Variants in NUBPL observed in about 807,000 individuals in gnomAD.
The protein encoded by NUBPL is iron-sulfur cluster transfer protein NUBPL.
A neutral mutation model predicts 45.7 loss-of-function variants in NUBPL; 31 were observed. That is an observed-to-expected ratio of 0.68 (90% CI 0.51 to 0.92). The LOEUF (loss-of-function observed/expected upper bound fraction) is 0.92. Among genes scored for constraint, NUBPL ranks in the 40% least tolerant of loss-of-function variants. The pLI, the probability that NUBPL is intolerant of heterozygous loss-of-function variation, is 0.00. For missense variants in NUBPL, 401 were observed against 398.7 expected, an observed-to-expected ratio of 1.01 and a Z score of -0.05; for synonymous variants, 144 against 140.9, an observed-to-expected ratio of 1.02 and a Z score of -0.15.
chr14:31,831,557 C>G (rs923422227), intron 8 of NUBPL, among the ~76,000 whole-genome samples: 1 of 151,324 alleles, frequency 6.6e-6, no homozygotes, highest in African/African-American at 2.4e-5. Flanking sequence ...CTGTCTCTCT[C>G]GCTGTGCCTG....
intron 3 of NUBPL, among the ~76,000 whole-genome samples, chr14:31,587,013 G>A (rs371457909): frequency 6.6e-6 from 1 of 152,060 alleles, no homozygotes; most frequent in African/African-American, 2.4e-5. Context: ...GAAACCTAAC[G>A]GAAAACAGAG....
intron 4 of NUBPL, among the ~76,000 whole-genome samples, chr14:31,614,156 G>T (rs1595369881): frequency 6.6e-6 from 1 of 152,096 alleles, no homozygotes; most frequent in Admixed American, 6.5e-5. Flanking sequence ...TAATATAGGG[G>T]CTAAGTTTTA....
chr14:31,732,204 T>C (rs1489294459), intron 6 of NUBPL, among the ~76,000 whole-genome samples: 1 of 37,268 alleles, frequency 2.7e-5, no homozygotes, highest in Admixed American at 2.8e-4. Flanking sequence ...AAAAAAAAAA[T>C]GAAAGAAAGA....
At chr14:31,802,273 C>T (rs2039605057) in intron 7 of NUBPL, among the ~76,000 whole-genome samples, 1 of 40,528 alleles carries the variant, frequency 2.5e-5, no homozygotes, top group South Asian at 2.1e-3. Context: ...TGCCCTTCTT[C>T]TTCTTCTTCT....
chr14:31,747,417 G>A (rs1280090679), intron 6 of NUBPL, among the ~76,000 whole-genome samples: 3 of 151,958 alleles, frequency 2.0e-5, no homozygotes, highest in Non-Finnish European at 4.4e-5. Flanking sequence ...GATTAGAGGT[G>A]TGAGCCACCG....
At position 31,745,058 on chromosome 14, in the gene NUBPL, T is replaced by TTTTATTTTTATG. The variant is rs1384208709; in HGVS notation, c.514-42716_514-42715insTTTATGTTTATT. Among the ~76,000 whole-genome samples the TTTTATTTTTATG allele has an allele frequency of 6.5e-3, 987 of 152,092 alleles. 10 individuals carry two copies. Among genetic ancestry groups the TTTTATTTTTATG allele is most frequent in the African/African-American group, 0.022 (924 of 41,502 alleles). The stretch of plus-strand genomic sequence containing the variant: ...GTTATTTCTTTTTTTTTATTTTTAT[T>TTTTATTTTTATG]TTTATTATTATACTTTAAGTTCTAG... On this transcript the variant is annotated intron_variant, in intron 6 of 10. Coordinates refer to ENST00000281081, the MANE Select transcript of NUBPL (RefSeq NM_025152.3).
At chr14:31,638,034 C>G (rs932322869) in intron 4 of NUBPL, among the ~76,000 whole-genome samples, 1 of 152,146 alleles carries the variant, frequency 6.6e-6, no homozygotes, top group Non-Finnish European at 1.5e-5. Flanking sequence ...GGTCTTGACT[C>G]TTTATCCAAT....
At chr14:31,710,632 G>A (rs1260546806) in intron 6 of NUBPL, among the ~76,000 whole-genome samples, 1 of 152,142 alleles carries the variant, frequency 6.6e-6, no homozygotes, top group Non-Finnish European at 1.5e-5. Context: ...TGTTAGTACT[G>A]GAACCTTACC....
intron 6 of NUBPL, among the ~76,000 whole-genome samples, chr14:31,743,240 C>A (rs1183934126): frequency 6.6e-6 from 1 of 152,156 alleles, no homozygotes; most frequent in East Asian, 1.9e-4. Flanking sequence ...GCTTACCCAT[C>A]CCTGTATCAG....
chr14:31,645,228 G>A (rs1191957002), intron 4 of NUBPL, among the ~76,000 whole-genome samples: 1 of 151,990 alleles, frequency 6.6e-6, no homozygotes, highest in Non-Finnish European at 1.5e-5. Context: ...ACCACACCCG[G>A]CTAATTTTTT....
At chr14:31,610,558 A>T (rs2034725140) in intron 4 of NUBPL, among the ~76,000 whole-genome samples, 1 of 136,926 alleles carries the variant, frequency 7.3e-6, no homozygotes, top group Admixed American at 8.3e-5. Flanking sequence ...TGCCACACTC[A>T]TTCTGTGAGG....
chr14:31,749,764 A>G (rs145188785), intron 6 of NUBPL, among the ~76,000 whole-genome samples: 24 of 152,296 alleles, frequency 1.6e-4, no homozygotes, highest in Non-Finnish European at 3.2e-4. Flanking sequence ...TGGGAAACTT[A>G]CAACTGTAAT....
chr14:31,744,524 C>G (rs2038352802), intron 6 of NUBPL, among the ~76,000 whole-genome samples: 1 of 150,514 alleles, frequency 6.6e-6, no homozygotes, highest in Non-Finnish European at 1.5e-5. Flanking sequence ...TAGAGAACAA[C>G]TATATCTCAG....
rs775886215 is a variant in NUBPL at position 31,848,163 on chromosome 14, A to C, written c.814+1572A>C. ...ATCAAAAACACTGACTACTGATCAC[A>C]AAAATTTGATGGTGCCCTAGACTGC... is the stretch of plus-strand genomic sequence containing the variant. On this transcript the variant is annotated intron_variant, in intron 9 of 10. Transcript: ENST00000281081. 4.3e-4 allele frequency among the ~76,000 whole-genome samples: 66 copies of C among 152,212 alleles called. 1 individual carries two copies. The highest frequency in any genetic ancestry group is 8.2e-4 in the Non-Finnish European group (56 of 68,030).
At chr14:31,649,416 T>C (rs2035941374) in intron 4 of NUBPL, among the ~76,000 whole-genome samples, 1 of 152,206 alleles carries the variant, frequency 6.6e-6, no homozygotes, top group Admixed American at 6.5e-5. Context: ...AGATAATTGT[T>C]TAGGGGAATT....
intron 6 of NUBPL, among the ~76,000 whole-genome samples, chr14:31,706,064 A>G (rs1413462640): frequency 1.3e-5 from 2 of 152,188 alleles, no homozygotes; most frequent in Non-Finnish European, 1.5e-5. Context: ...GGCAGGCTGA[A>G]GGGCTCCTCG....
intron 4 of NUBPL, among the ~76,000 whole-genome samples, chr14:31,630,840 T>C (rs2035322308): frequency 6.6e-6 from 1 of 152,212 alleles, no homozygotes; most frequent in South Asian, 2.1e-4. Context: ...CTCTGGGAAT[T>C]ATACAGCTTG....
chr14:31,605,827 C>T (rs558944428), intron 4 of NUBPL, among the ~76,000 whole-genome samples: 3 of 141,970 alleles, frequency 2.1e-5, no homozygotes, highest in Non-Finnish European at 3.0e-5. Flanking sequence ...TCTCCTTTCT[C>T]GTCTCCTCCT....
In NUBPL at chr14:31,575,257, A is replaced by G. The variant is rs142405193; in HGVS notation, c.291+10209A>G. Among the ~76,000 whole-genome samples, 46 of 152,344 alleles carry G rather than the reference A, an allele frequency of 3.0e-4. No homozygotes were observed. The East Asian group carries it at 6.2e-3, about 20-fold the overall frequency. ...TAGGTTTTGATTTTTGAAAGGTTCA[A>G]CAGTCTTAAGTCAGAATATATTTTG... On this transcript the variant is annotated intron_variant, in intron 3 of 10. Transcript: ENST00000281081.
Sources: gnomAD v4.1 joint callset for allele counts (sites outside exome capture counted in the v4.1 genomes callset) on GRCh38, gnomAD v4.1.1 for gene constraint, MANE v1.5 for transcripts, NCBI Gene and HGNC (gene_info 2026-07-23, HGNC 2026-07-21) for gene names.